C16orf87: variants seen among roughly 807,000 people sequenced by gnomAD.
C16orf87 encodes HDAC and MIER1 interacting protein 1, also known as UPF0547 protein C16orf87.
C16orf87 carries 13 observed loss-of-function variants against 21.0 expected under a neutral mutation model. That is an observed-to-expected ratio of 0.62 (90% CI 0.40 to 0.98). The LOEUF (loss-of-function observed/expected upper bound fraction) is 0.98, where lower values mean the gene tolerates loss of function less well. Among genes scored for constraint, C16orf87 ranks in the 50% least tolerant of loss-of-function variants. The pLI is 0.00. For synonymous variants in C16orf87, 49 were observed against 60.2 expected (o/e 0.81, Z 0.86); for missense variants, 113 against 180.4 (o/e 0.63, Z 2.14).
intron 3 of C16orf87, among the ~76,000 whole-genome samples, chr16:46,808,551 A>C (rs998977957): frequency 3.3e-5 from 5 of 152,242 alleles, no homozygotes; most frequent in African/African-American, 1.2e-4. Context: ...AATGCATTTC[A>C]GTGAAGATGA....
In C16orf87 at chr16:46,811,981, C is replaced by G. The variant is rs552291287; in HGVS notation, c.164-2196G>C. On this transcript the variant is annotated intron_variant, in intron 2 of 3. Transcript: ENST00000285697. ...ACAAATGACAGGGTGTGGTGGCTCA[C>G]GCCTGTAATCCCAGCACCTTGGGAG... is the stretch of plus-strand genomic sequence containing the variant. 9.2e-5 allele frequency among the ~76,000 whole-genome samples: 14 copies of G among 151,908 alleles called. No individual in the cohort carries two copies. In the South Asian group the frequency reaches 1.7e-3, roughly 18 times the overall value.
At chr16:46,819,398 C>T (rs1371085055) in intron 2 of C16orf87, among the ~76,000 whole-genome samples, 1 of 152,016 alleles carries the variant, frequency 6.6e-6, no homozygotes, top group East Asian at 2.0e-4. Flanking sequence ...TAACCTCCGC[C>T]TCACTGGTTC....
At chr16:46,826,589 G>T (rs1239396274) in intron 1 of C16orf87, among the ~76,000 whole-genome samples, 1 of 151,982 alleles carries the variant, frequency 6.6e-6, no homozygotes, top group Non-Finnish European at 1.5e-5. Context: ...AAATAACAAA[G>T]AAATCAATAA....
intron 2 of C16orf87, among the ~76,000 whole-genome samples, chr16:46,815,347 A>G (rs1008327664): frequency 6.6e-6 from 1 of 152,006 alleles, no homozygotes; most frequent in African/African-American, 2.4e-5. Context: ...CTTGGATATG[A>G]TACCAAAAGC....
intron 3 of C16orf87, among the ~76,000 whole-genome samples, chr16:46,803,724 A>T (rs1967842637): frequency 6.7e-6 from 1 of 149,666 alleles, no homozygotes; most frequent in African/African-American, 2.5e-5. Flanking sequence ...AAACTTGTTA[A>T]AAAAAAAAAA....
chr16:46,826,861 G>A (rs1051188635), intron 1 of C16orf87, among the ~76,000 whole-genome samples: 2 of 152,066 alleles, frequency 1.3e-5, no homozygotes, highest in African/African-American at 2.4e-5. Flanking sequence ...TCCAAAATAC[G>A]CAAATGCATG....
At chr16:46,806,193 A>T (rs1346048082) in intron 3 of C16orf87, among the ~76,000 whole-genome samples, 1 of 152,048 alleles carries the variant, frequency 6.6e-6, no homozygotes, top group Non-Finnish European at 1.5e-5. Context: ...AGATTTCCCC[A>T]AAGGAGTTTA....
Position 46,824,545 on chromosome 16 carries a change from CTA to C in C16orf87, c.67-65_67-64del. 7.6e-6 allele frequency: 5 copies of C among 657,662 alleles called. No individual in the cohort carries two copies. The South Asian group carries it at 1.1e-4, about 15-fold the overall frequency. 40.7% of individuals were successfully genotyped at this position (657,662 alleles called of 1,614,324 possible). On this transcript the variant is annotated intron_variant, in intron 1 of 3. Transcript: ENST00000285697. ...TTTCTATTGTTAAATTTCTCAGTGT[CTA>C]TGTGGTCTCCTCAAATGAATGATAA...
intron 2 of C16orf87, among the ~76,000 whole-genome samples, chr16:46,814,692 T>C (rs1467479659): frequency 6.6e-6 from 1 of 152,142 alleles, no homozygotes; most frequent in East Asian, 1.9e-4. Flanking sequence ...AACAGTCAAT[T>C]AAACATTACT....
chr16:46,830,531 A>G (rs1253900575), intron 1 of C16orf87: 4 of 152,378 alleles, frequency 2.6e-5, no homozygotes, highest in African/African-American at 9.6e-5. Flanking sequence ...AGGGGAAAAA[A>G]TCTCCAAATT....
chr16:46,807,499 A>T (rs1967965267), intron 3 of C16orf87, among the ~76,000 whole-genome samples: 1 of 152,110 alleles, frequency 6.6e-6, no homozygotes, highest in Non-Finnish European at 1.5e-5. Flanking sequence ...GTGGCCCACC[A>T]CCTGCTTTAT....
intron 3 of C16orf87, among the ~76,000 whole-genome samples, chr16:46,807,596 G>A (rs1396928857): frequency 6.6e-6 from 1 of 152,174 alleles, no homozygotes; most frequent in Non-Finnish European, 1.5e-5. Context: ...CTGAGTAGTT[G>A]TGACAGAGAT....
chr16:46,816,326 A>C (rs1397382345), intron 2 of C16orf87, among the ~76,000 whole-genome samples: 4 of 152,222 alleles, frequency 2.6e-5, no homozygotes, highest in Non-Finnish European at 5.9e-5. Context: ...TAAGAATACA[A>C]TATGAATGCA....
intron 3 of C16orf87, among the ~76,000 whole-genome samples, chr16:46,806,399 A>T (rs1386758120): frequency 6.6e-6 from 1 of 151,958 alleles, no homozygotes; most frequent in Non-Finnish European, 1.5e-5. Flanking sequence ...CTGGGACTAG[A>T]GGCACGCACC....
At chr16:46,822,153 C>A (rs895170792) in intron 2 of C16orf87, among the ~76,000 whole-genome samples, 2 of 152,156 alleles carry the variant, frequency 1.3e-5, no homozygotes, top group Admixed American at 1.3e-4. Context: ...CAGGCTGATG[C>A]GATCCTCCTG....
rs1305033639 is a variant in C16orf87, at chr16:46,802,377, TAATAAA to T, written c.*569_*574del. The T allele has an allele frequency of 6.6e-6, 1 of 152,232 alleles. No individual in the cohort carries two copies. Among genetic ancestry groups the T allele is most frequent in the Non-Finnish European group, 1.5e-5 (1 of 67,930 alleles). 9.4% of individuals were successfully genotyped at this position (152,232 alleles called of 1,614,324 possible). ...CCTAAAATATAACTCATACCTTAAG[TAATAAA>T]AATAAAGGCCAAGAAAAAAAATCAA... On this transcript the variant is annotated 3_prime_UTR_variant, in exon 4 of 4. Coordinates refer to ENST00000285697, the MANE Select transcript of C16orf87 (RefSeq NM_001001436.4).
chr16:46,819,848 C>A (rs67205347), intron 2 of C16orf87, among the ~76,000 whole-genome samples: 26,447 of 151,498 alleles, frequency 0.17, 2,871 homozygotes, highest in African/African-American at 0.3. Context: ...GTGACACATT[C>A]TTGTAATCCT....
chr16:46,800,547 A>C lies in C16orf87; in HGVS notation c.*2405T>G, dbSNP rs1000701334. On this transcript the variant is annotated 3_prime_UTR_variant, in exon 4 of 4. Transcript: ENST00000285697. Reference sequence around the variant, plus strand: ...TCTTACTCATATTTAAGAATAAGTTATCTTCAACAGACCTAATCTAATTGT... The same window carrying C: ...TCTTACTCATATTTAAGAATAAGTTCTCTTCAACAGACCTAATCTAATTGT... 2.6e-5 allele frequency: 4 copies of C among 152,240 alleles called. No individual in the cohort carries two copies. Among genetic ancestry groups the C allele is most frequent in the South Asian group, 2.1e-4 (1 of 4,832 alleles). 9.4% of individuals were successfully genotyped at this position (152,240 alleles called of 1,614,324 possible).
At chr16:46,819,839 T>C (rs949985140) in intron 2 of C16orf87, among the ~76,000 whole-genome samples, 3 of 151,796 alleles carry the variant, frequency 2.0e-5, no homozygotes, top group African/African-American at 7.3e-5. Context: ...CCGGGTGTGG[T>C]GACACATTCT....
Sources: allele counts gnomAD v4.1 joint callset (sites outside exome capture counted in the v4.1 genomes callset), GRCh38; gene constraint gnomAD v4.1.1; transcripts MANE v1.5; gene names NCBI Gene and HGNC (gene_info 2026-07-23, HGNC 2026-07-21).